Variants in ZNF565 observed in about 807,000 individuals in gnomAD.
ZNF565 encodes zinc finger protein 565.
A neutral mutation model predicts 39.4 loss-of-function variants in ZNF565; 27 were observed. The observed-to-expected ratio is 0.69, with a 90% CI of 0.51 to 0.95. The LOEUF is 0.95. Among genes scored for constraint, ZNF565 ranks in the 40% least tolerant of loss-of-function variants. The pLI is 0.00. For missense variants in ZNF565, 524 were observed against 621.1 expected (o/e 0.84, Z 1.66); for synonymous variants, 185 against 216.6 (o/e 0.85, Z 1.28).
At chr19:36,215,474 G>A (rs1976561272), upstream of ZNF565, among the ~76,000 whole-genome samples, 1 of 152,062 alleles carries the variant, frequency 6.6e-6, no homozygotes, top group African/African-American at 2.4e-5. Context: ...CAGCATTGAG[G>A]TATAACGTTT....
chr19:36,182,985 T>A lies in ZNF565; in HGVS notation c.981A>T (p.Arg327=). Residue 327 remains arginine, a synonymous_variant, in exon 5 of 5, where the codon CGA becomes CGT. Coordinates refer to ENST00000304116, the MANE Select transcript of ZNF565 (RefSeq NM_152477.5). ...RQHSQLTVHQ[R]IHTGEKPYEC... Reference sequence around the variant, plus strand: ...CGTAGGGTTTCTCACCAGTGTGGATTCGCTGGTGTACAGTCAGCTGTGAGT... The same window carrying A: ...CGTAGGGTTTCTCACCAGTGTGGATACGCTGGTGTACAGTCAGCTGTGAGT... 6.2e-7 allele frequency: 1 copy of A among 1,614,154 alleles called. No homozygotes were observed. Among genetic ancestry groups the A allele is most frequent in the Non-Finnish European group, 8.5e-7 (1 of 1,180,026 alleles).
intron 1 of ZNF565, among the ~76,000 whole-genome samples, chr19:36,241,128 C>G (rs1184595562): frequency 2.0e-5 from 3 of 152,194 alleles, no homozygotes; most frequent in Non-Finnish European, 4.4e-5. Flanking sequence ...TCAATTGATA[C>G]ACTGTGGGCA....
intron 1 of ZNF565, chr19:36,203,561 CAG>C (rs1976044220): frequency 6.6e-6 from 1 of 152,074 alleles, no homozygotes; most frequent in Non-Finnish European, 1.5e-5. Context: ...AATGAGAAAT[CAG>C]AGTTTTAAGG....
chr19:36,210,242 G>A (rs1568423248), intron 1 of ZNF565, among the ~76,000 whole-genome samples: 1 of 151,612 alleles, frequency 6.6e-6, no homozygotes, highest in Non-Finnish European at 1.5e-5. Context: ...CTATCATGAC[G>A]AAAACCCGTC....
At chr19:36,186,628 A>G (rs970162908) in intron 4 of ZNF565, among the ~76,000 whole-genome samples, 2 of 152,010 alleles carry the variant, frequency 1.3e-5, no homozygotes, top group Non-Finnish European at 2.9e-5. Context: ...TCTCTACCAA[A>G]AACACAAAAA....
intron 1 of ZNF565, chr19:36,237,356 A>G (rs780646793): frequency 3.9e-6 from 6 of 1,551,626 alleles, no homozygotes; most frequent in East Asian, 2.3e-5. Context: ...GAAAGCTTTC[A>G]TTAGAAATTT....
At chr19:36,225,555 G>T (rs1309619898) in intron 1 of ZNF565, among the ~76,000 whole-genome samples, 1 of 151,374 alleles carries the variant, frequency 6.6e-6, no homozygotes, top group East Asian at 1.9e-4. Flanking sequence ...GGCTCAAGCA[G>T]TCCTTTTGTC....
chr19:36,227,224 A>G (rs1016545421), intron 1 of ZNF565, among the ~76,000 whole-genome samples: 4 of 151,132 alleles, frequency 2.6e-5, no homozygotes, highest in African/African-American at 9.7e-5. Context: ...CCCTGTCTCT[A>G]CTAAAATTAC....
chr19:36,202,552 T>C (rs768346249), intron 1 of ZNF565, among the ~76,000 whole-genome samples: 1 of 151,832 alleles, frequency 6.6e-6, no homozygotes, highest in Non-Finnish European at 1.5e-5. Flanking sequence ...GCTGACACAG[T>C]CCCCCATCTT....
At chr19:36,220,087 A>G (rs1372682422) in intron 1 of ZNF565, among the ~76,000 whole-genome samples, 1 of 152,062 alleles carries the variant, frequency 6.6e-6, no homozygotes, top group Non-Finnish European at 1.5e-5. Context: ...GTTTTCCTGC[A>G]CTGCAGGCTT....
chr19:36,209,245 C>T (rs549274715), intron 1 of ZNF565, among the ~76,000 whole-genome samples: 2 of 152,016 alleles, frequency 1.3e-5, no homozygotes, highest in African/African-American at 4.8e-5. Context: ...GAACAAAGAA[C>T]CGGGGCTGGG....
chr19:36,198,548 G>A (rs2145334896), intron 2 of ZNF565, among the ~76,000 whole-genome samples: 1 of 152,114 alleles, frequency 6.6e-6, no homozygotes, highest in East Asian at 1.9e-4. Flanking sequence ...GAAAGAATAA[G>A]ACCTACTATT....
intron 1 of ZNF565, among the ~76,000 whole-genome samples, chr19:36,220,716 T>C (rs1018938850): frequency 2.0e-5 from 3 of 152,142 alleles, no homozygotes; most frequent in Non-Finnish European, 2.9e-5. Context: ...TAAGTACTTA[T>C]TTTGTTTGCT....
At chr19:36,205,396 G>T (rs996381784) in intron 1 of ZNF565, among the ~76,000 whole-genome samples, 11 of 152,150 alleles carry the variant, frequency 7.2e-5, no homozygotes, top group East Asian at 5.8e-4. Context: ...GCATGGTGGG[G>T]GGCGCTTATA....
chr19:36,206,145 AGAGACG>A (rs1328765035), intron 1 of ZNF565, among the ~76,000 whole-genome samples: 2 of 152,068 alleles, frequency 1.3e-5, no homozygotes, highest in South Asian at 2.1e-4. Flanking sequence ...TAACTTTTGT[AGAGACG>A]GGGACTCGTC....
intron 1 of ZNF565, among the ~76,000 whole-genome samples, chr19:36,227,361 G>A (rs1483728231): frequency 6.7e-6 from 1 of 149,322 alleles, no homozygotes; most frequent in East Asian, 2.0e-4. Flanking sequence ...TGCACTCCCA[G>A]CCTGGGCAAC....
At chr19:36,200,720 C>G (rs1052663650) in intron 2 of ZNF565, among the ~76,000 whole-genome samples, 2 of 151,540 alleles carry the variant, frequency 1.3e-5, no homozygotes, top group African/African-American at 4.9e-5. Flanking sequence ...ATCTCTTGAC[C>G]TCGTGATCCA....
chr19:36,193,440 T>G (rs910991951), intron 4 of ZNF565, among the ~76,000 whole-genome samples: 3 of 149,510 alleles, frequency 2.0e-5, no homozygotes, highest in African/African-American at 7.4e-5. Flanking sequence ...TTTTCTTTTT[T>G]CTTTTTTTTT....
chr19:36,232,047 AC>A, intron 1 of ZNF565, among the ~76,000 whole-genome samples: 1 of 152,232 alleles, frequency 6.6e-6, no homozygotes, highest in Admixed American at 6.5e-5. Flanking sequence ...TATTAAAAAT[AC>A]AAAAACTAGC....
Sources: allele counts gnomAD v4.1 joint callset (sites outside exome capture counted in the v4.1 genomes callset), GRCh38; gene constraint gnomAD v4.1.1; transcripts MANE v1.5; gene names NCBI Gene and HGNC (gene_info 2026-07-23, HGNC 2026-07-21).